LRRC9: variants seen among roughly 807,000 people sequenced by gnomAD.
LRRC9 encodes the protein leucine-rich repeat-containing protein 9.
Under a neutral mutation model 63.2 loss-of-function variants are expected in LRRC9, and 122 were observed. That is an observed-to-expected ratio of 1.93 (90% CI 1.67 to 2.24). LRRC9 has a LOEUF of 2.24. LRRC9 is among the 30% of genes most tolerant of loss of function. LRRC9 has a pLI of 0.00. For missense variants in LRRC9, 1,071 were observed against 627.7 expected, an observed-to-expected ratio of 1.71 and a Z score of -7.55; for synonymous variants, 366 against 213.1, an observed-to-expected ratio of 1.72 and a Z score of -6.25.
chr14:59,967,180 T>C (rs1334362572), exon 12 of LRRC9: 3 of 630,314 alleles, frequency 4.8e-6, no homozygotes, highest in African/African-American at 1.8e-5. Context: ...TACAAATACT[T>C]GAAAAAGGAT....
Position 60,004,453 on chromosome 14 carries a change from A to G in LRRC9, c.2842+655A>G, listed in dbSNP as rs894694736. ...CATACAAGTCCAATTAAGCAGCTTT[A>G]GTAATATCTTAATAATAATGATACC... On this transcript the variant is annotated intron_variant, in intron 21 of 31. Coordinates refer to ENST00000445360, the Ensembl canonical transcript of LRRC9. This position sits in a 1 kb window ranked among gnomAD's most constrained non-coding sequence, Gnocchi z 4.8. Among the ~76,000 whole-genome samples, 1 of 152,154 alleles carries G rather than the reference A, an allele frequency of 6.6e-6. No homozygotes were observed. The highest frequency in any genetic ancestry group is 1.5e-5 in the Non-Finnish European group (1 of 67,986).
intron 2 of LRRC9, 127 bp downstream of exon 2, chr14:59,928,118 G>C (rs1889364574): frequency 1.7e-6 from 1 of 574,648 alleles, no homozygotes; most frequent in Non-Finnish European, 3.0e-6. Flanking sequence ...TTGGGAAGCA[G>C]AGAATAATCA....
At chr14:60,024,847 G>A (rs1595053419) in intron 27 of LRRC9, among the ~76,000 whole-genome samples, 1 of 150,814 alleles carries the variant, frequency 6.6e-6, no homozygotes, top group East Asian at 2.0e-4. Flanking sequence ...TTTTTGCGGT[G>A]TACTTATTGT....
At chr14:59,968,350 G>A (rs116360822) in intron 12 of LRRC9, among the ~76,000 whole-genome samples, 1,529 of 152,296 alleles carry the variant, frequency 0.01, 23 homozygotes, top group African/African-American at 0.035. Context: ...GGAAATGGAT[G>A]GTGGCGATGG....
intron 29 of LRRC9, among the ~76,000 whole-genome samples, chr14:60,040,949 G>A (rs1250179737): frequency 2.0e-5 from 3 of 151,924 alleles, no homozygotes; most frequent in Non-Finnish European, 2.9e-5. Flanking sequence ...TTGTAAGGCA[G>A]GCCTGGTGGT....
chr14:59,940,125 G>A (rs1269155669), intron 7 of LRRC9, among the ~76,000 whole-genome samples: 4 of 151,938 alleles, frequency 2.6e-5, no homozygotes, highest in Non-Finnish European at 5.9e-5. Flanking sequence ...TCTTGTAAAC[G>A]TCAGGAGTAG....
chr14:59,923,865 C>T lies in LRRC9; in HGVS notation c.-34+3982C>T, dbSNP rs140490760. Among the ~76,000 whole-genome samples the T allele has an allele frequency of 3.2e-4, 49 of 152,224 alleles. No individual in the cohort carries two copies. Among genetic ancestry groups the T allele is most frequent in the African/African-American group, 1.1e-3 (45 of 41,530 alleles). On this transcript the variant is annotated intron_variant, in intron 1 of 31. Transcript: ENST00000445360. This position sits in a 1 kb window ranked among gnomAD's most constrained non-coding sequence, Gnocchi z 4.2. ...CTGAGGCAGGAGTATGGCGTGAACC[C>T]GGGAGGTGGAGCTTGCAGTGAGCTG...
At chr14:60,018,910 G>A (rs1313196549) in intron 25 of LRRC9, among the ~76,000 whole-genome samples, 1 of 151,812 alleles carries the variant, frequency 6.6e-6, no homozygotes, top group African/African-American at 2.4e-5. Context: ...GAAAGTTGAG[G>A]AGTTTTCTAG....
intron 17 of LRRC9, among the ~76,000 whole-genome samples, chr14:59,993,222 G>A (rs1204112948): frequency 6.6e-6 from 1 of 152,148 alleles, no homozygotes; most frequent in Non-Finnish European, 1.5e-5. Context: ...AGCTTCATAA[G>A]TGAAGGAGAA....
At chr14:59,956,168 C>G (rs1034512291) in intron 8 of LRRC9, among the ~76,000 whole-genome samples, 11 of 152,070 alleles carry the variant, frequency 7.2e-5, no homozygotes, top group African/African-American at 2.4e-4. Context: ...TGGTACAGAG[C>G]TAAGTTCAAG....
At chr14:59,921,460 G>GA (rs964058944) in intron 1 of LRRC9, among the ~76,000 whole-genome samples, 15 of 151,388 alleles carry the variant, frequency 9.9e-5, no homozygotes, top group African/African-American at 1.9e-4. Flanking sequence ...TGAGGAGGAG[G>GA]AAAAAAAATG....
At chr14:59,988,749 T>C (rs1887747266) in intron 17 of LRRC9, among the ~76,000 whole-genome samples, 2 of 152,148 alleles carry the variant, frequency 1.3e-5, no homozygotes, top group African/African-American at 2.4e-5. Flanking sequence ...TCATTGGTAA[T>C]TGTATATTTA....
chr14:59,979,997 A>T (rs535385960), intron 15 of LRRC9, among the ~76,000 whole-genome samples: 3 of 152,304 alleles, frequency 2.0e-5, no homozygotes, highest in African/African-American at 7.2e-5. Flanking sequence ...AGAAAAACTC[A>T]TCATTTTAAT....
chr14:59,997,793 C>A lies in LRRC9; in HGVS notation c.2349C>A (p.Cys783Ter), dbSNP rs1309083767. 3 of 702,060 alleles carry A rather than the reference C, an allele frequency of 4.3e-6. No homozygotes were observed. Among genetic ancestry groups the A allele is most frequent in the East Asian group, 2.7e-5 (1 of 37,200 alleles). The allele number at this position is 702,060 out of a possible 1,614,324, so 43.5% of individuals were successfully genotyped here. A position where few individuals can be genotyped will look rare whatever the true frequency, so the allele number is the denominator to read the frequency against. ...CTGGCAATGAAATAAATATGTTATG[C>A]AAACACACCACAAGCCTTCTCACTC... The change falls in exon 18 of 32, where the codon TGC becomes TGA. Residue 783 changes from cysteine to a stop codon, truncating the protein, a stop_gained. Transcript: ENST00000445360. LOFTEE classifies it high-confidence loss of function.
chr14:60,055,847 G>A (rs767779906), intron 30 of LRRC9, among the ~76,000 whole-genome samples: 10 of 151,134 alleles, frequency 6.6e-5, no homozygotes, highest in Non-Finnish European at 1.0e-4. Flanking sequence ...GGTGGCTGCC[G>A]TGAGCCAAGA....
intron 8 of LRRC9, among the ~76,000 whole-genome samples, chr14:59,955,560 C>G (rs1017318249): frequency 2.0e-5 from 3 of 151,928 alleles, no homozygotes; most frequent in Admixed American, 2.0e-4. Context: ...AGCTAGTGGT[C>G]TGTCTATGTT....
chr14:59,966,339 G>A lies in LRRC9; in HGVS notation c.1212-250G>A, dbSNP rs1166121487. The stretch of plus-strand genomic sequence containing the variant: ...ATGAAAGAGCAGCCAATAAGAGGAA[G>A]GCGTATGAAGTTTCCCTGAAGCTAA... On this transcript the variant is annotated intron_variant, in intron 10 of 31. Coordinates refer to ENST00000445360, the Ensembl canonical transcript of LRRC9. This position sits in a 1 kb window ranked among gnomAD's most constrained non-coding sequence, Gnocchi z 4.0. 1.3e-5 allele frequency among the ~76,000 whole-genome samples: 2 copies of A among 152,138 alleles called. No individual in the cohort carries two copies. Among genetic ancestry groups the A allele is most frequent in the African/African-American group, 2.4e-5 (1 of 41,410 alleles).
rs1884658449 is a variant in LRRC9, at chr14:59,964,709, T to C, written c.1212-1880T>C. On this transcript the variant is annotated intron_variant, in intron 10 of 31. Transcript: ENST00000445360. The surrounding 1 kb of genome is among the most constrained non-coding windows in gnomAD (Gnocchi z 4.4). ...TTAGGCCCAGCAAATGATCCCTCTA[T>C]AGGAGGGGCAGTAGCTTCCCCACCT... Among the ~76,000 whole-genome samples, 1 of 152,182 alleles carries C rather than the reference T, an allele frequency of 6.6e-6. No individual in the cohort carries two copies. The highest frequency in any genetic ancestry group is 1.5e-5 in the Non-Finnish European group (1 of 68,016).
At position 60,053,375 on chromosome 14, in the gene LRRC9, A is replaced by T. The variant is rs191342505; in HGVS notation, c.4131+170A>T. 1.4e-4 allele frequency among the ~76,000 whole-genome samples: 18 copies of T among 124,780 alleles called. No homozygotes were observed. Among genetic ancestry groups the T allele is most frequent in the Non-Finnish European group, 2.6e-4 (16 of 60,378 alleles). The allele number at this position is 124,780 out of a possible 152,430, so 81.9% of individuals were successfully genotyped here. On this transcript the variant is annotated intron_variant, in intron 30 of 31. Coordinates refer to ENST00000445360, the Ensembl canonical transcript of LRRC9. This position sits in a 1 kb window ranked among gnomAD's most constrained non-coding sequence, Gnocchi z 4.8. ...GGCAGCTGGATTTGGTGAATAGAGCATGCGTGCTCACACACACACACACAC... is the reference window on the plus strand; with the variant it reads ...GGCAGCTGGATTTGGTGAATAGAGCTTGCGTGCTCACACACACACACACAC...
Sources: gnomAD v4.1 joint callset for allele counts (sites outside exome capture counted in the v4.1 genomes callset) on GRCh38, gnomAD v4.1.1 for gene constraint, Gnocchi (gnomAD v3.1) non-coding constraint, MANE v1.5 for transcripts, NCBI Gene and HGNC (gene_info 2026-07-23, HGNC 2026-07-21) for gene names.